CCDC192: variants seen among roughly 807,000 people sequenced by gnomAD.
CCDC192 encodes coiled-coil domain-containing protein 192.
chr5:127,799,525 C>T (rs903869848), intron 5 of CCDC192, among the ~76,000 whole-genome samples: 6 of 152,232 alleles, frequency 3.9e-5, no homozygotes, highest in South Asian at 4.1e-4. Context: ...TGTCCCGTCA[C>T]GACATTTGAT....
At chr5:127,729,637 A>G (rs1342277037) in intron 2 of CCDC192, among the ~76,000 whole-genome samples, 1 of 152,230 alleles carries the variant, frequency 6.6e-6, no homozygotes, top group Non-Finnish European at 1.5e-5. Flanking sequence ...ACTCCTCAGC[A>G]AATGAAAACG....
At chr5:127,793,881 T>G (rs1300359216) in intron 3 of CCDC192, among the ~76,000 whole-genome samples, 1 of 152,250 alleles carries the variant, frequency 6.6e-6, no homozygotes, top group Non-Finnish European at 1.5e-5. Context: ...AGAAAACTCC[T>G]TAAACAATAA....
At chr5:127,762,635 G>A (rs1371383643) in intron 3 of CCDC192, among the ~76,000 whole-genome samples, 1 of 152,204 alleles carries the variant, frequency 6.6e-6, no homozygotes, top group Admixed American at 6.5e-5. Flanking sequence ...CCTTTTGCTT[G>A]TAAATGTCAA....
chr5:127,882,592 G>T (rs1275677475), intron 6 of CCDC192, among the ~76,000 whole-genome samples: 1 of 152,246 alleles, frequency 6.6e-6, no homozygotes, highest in East Asian at 1.9e-4. Flanking sequence ...AACGGTTAAC[G>T]TGGTGAAATT....
At chr5:127,870,996 A>G (rs1026795664) in intron 5 of CCDC192, among the ~76,000 whole-genome samples, 123 of 152,330 alleles carry the variant, frequency 8.1e-4, no homozygotes, top group African/African-American at 2.9e-3. Context: ...CCTTTGTTAT[A>G]CAGGCTCTCT....
chr5:127,740,576 G>T (rs570797345), intron 2 of CCDC192, among the ~76,000 whole-genome samples: 1 of 152,094 alleles, frequency 6.6e-6, no homozygotes, highest in South Asian at 2.1e-4. Flanking sequence ...TTGGAATATT[G>T]AAGTTCTTAT....
At chr5:127,939,600 A>C (rs1227834789) in intron 6 of CCDC192, among the ~76,000 whole-genome samples, 1 of 151,966 alleles carries the variant, frequency 6.6e-6, no homozygotes, top group Admixed American at 6.6e-5. Context: ...ACTGTGCAAT[A>C]TGCTGCCAAA....
At chr5:127,834,566 G>C (rs1001831419) in intron 5 of CCDC192, among the ~76,000 whole-genome samples, 3 of 152,140 alleles carry the variant, frequency 2.0e-5, no homozygotes, top group African/African-American at 7.2e-5. Context: ...ATACAAATGT[G>C]TTTTATAGTA....
chr5:127,923,798 G>A (rs1299856929), intron 6 of CCDC192, among the ~76,000 whole-genome samples: 1 of 152,014 alleles, frequency 6.6e-6, no homozygotes. Flanking sequence ...CAAGCATCAC[G>A]GAAGCTTTCC....
chr5:127,820,080 G>A (rs1456247077), intron 5 of CCDC192, among the ~76,000 whole-genome samples: 2 of 152,138 alleles, frequency 1.3e-5, no homozygotes, highest in Admixed American at 1.3e-4. Context: ...TTCTTATTTT[G>A]AGCAGATAAT....
At chr5:127,923,971 C>T (rs1753802761) in intron 6 of CCDC192, among the ~76,000 whole-genome samples, 1 of 152,200 alleles carries the variant, frequency 6.6e-6, no homozygotes, top group Non-Finnish European at 1.5e-5. Flanking sequence ...CCCTGGAATT[C>T]CCCCAGGTTT....
At chr5:127,813,821 A>G (rs1758213642) in intron 5 of CCDC192, among the ~76,000 whole-genome samples, 1 of 152,152 alleles carries the variant, frequency 6.6e-6, no homozygotes, top group South Asian at 2.1e-4. Context: ...TACACTTCTT[A>G]AACTTTTTCC....
chr5:127,794,524 T>A (rs1470347376), intron 3 of CCDC192, among the ~76,000 whole-genome samples: 1 of 152,224 alleles, frequency 6.6e-6, no homozygotes, highest in African/African-American at 2.4e-5. Flanking sequence ...ATGTTAACTA[T>A]TATTAATATT....
intron 6 of CCDC192, among the ~76,000 whole-genome samples, chr5:127,925,042 T>G (rs1314474360): frequency 6.9e-6 from 1 of 145,810 alleles, no homozygotes; most frequent in African/African-American, 2.7e-5. Context: ...AAAACAAAAC[T>G]TATATGCAAC....
At chr5:127,788,441 A>G (rs539855980) in intron 3 of CCDC192, among the ~76,000 whole-genome samples, 68 of 152,282 alleles carry the variant, frequency 4.5e-4, no homozygotes, top group African/African-American at 1.6e-3. Flanking sequence ...TATAATCAGC[A>G]TATAATTGGA....
chr5:127,737,215 T>G (rs1753069481), intron 2 of CCDC192, among the ~76,000 whole-genome samples: 2 of 152,234 alleles, frequency 1.3e-5, no homozygotes, highest in South Asian at 4.2e-4. Context: ...AGCAGGTTGT[T>G]CAGTTTCCAT....
At chr5:127,800,685 C>T (rs1404372277) in intron 5 of CCDC192, among the ~76,000 whole-genome samples, 1 of 152,142 alleles carries the variant, frequency 6.6e-6, no homozygotes, top group African/African-American at 2.4e-5. Context: ...GTTATTATCT[C>T]TTAAATATGT....
chr5:127,925,045 T>C (rs1302565923), intron 6 of CCDC192, among the ~76,000 whole-genome samples: 3 of 152,226 alleles, frequency 2.0e-5, no homozygotes, highest in South Asian at 4.1e-4. Context: ...ACAAAACTTA[T>C]ATGCAACAAC....
At chr5:127,811,451 A>AT (rs555097989) in intron 5 of CCDC192, among the ~76,000 whole-genome samples, 19 of 152,076 alleles carry the variant, frequency 1.2e-4, no homozygotes, top group African/African-American at 2.9e-4. Flanking sequence ...AACTTAAGGG[A>AT]TTTTTTTTAG....
Sources: allele counts gnomAD v4.1 joint callset (sites outside exome capture counted in the v4.1 genomes callset), GRCh38; gene constraint gnomAD v4.1.1; transcripts MANE v1.5; gene names NCBI Gene and HGNC (gene_info 2026-07-23, HGNC 2026-07-21).